Variants in DGKH observed in about 807,000 individuals in gnomAD.
DGKH encodes the protein DAG kinase eta.
In DGKH, 90 loss-of-function variants were observed where a neutral mutation model predicts 159.3. That is an observed-to-expected ratio of 0.57 (90% CI 0.48 to 0.67). The LOEUF is 0.67. DGKH is among the 30% of genes least tolerant of loss of function. The pLI is 0.00. For synonymous variants in DGKH, 536 were observed against 553.8 expected (o/e 0.97, Z 0.45); for missense variants, 1,181 against 1,506.1 (o/e 0.78, Z 3.57).
chr13:42,127,581 A>C lies in DGKH; in HGVS notation c.303+8A>C. On this transcript the variant is annotated splice_region_variant and intron_variant, in intron 2 of 29. Transcript: ENST00000337343. ...TATGCAAAGGACTCAAAGGTAACTC[A>C]CGAGAATACTAGTTTCAAGCAATTG... The C allele has an allele frequency of 5.4e-5, 87 of 1,610,062 alleles. No homozygotes were observed. The highest frequency in any genetic ancestry group is 7.1e-5 in the Non-Finnish European group (83 of 1,177,278).
chr13:42,056,317 A>G (rs747944781), intron 1 of DGKH, among the ~76,000 whole-genome samples: 2 of 151,966 alleles, frequency 1.3e-5, no homozygotes, highest in African/African-American at 2.4e-5. Flanking sequence ...TCTGTTTTAT[A>G]TGAGGAAGTA....
At chr13:42,099,598 G>C (rs1279774030) in intron 1 of DGKH, among the ~76,000 whole-genome samples, 2 of 152,206 alleles carry the variant, frequency 1.3e-5, no homozygotes, top group East Asian at 1.9e-4. Flanking sequence ...AGCACTGGTA[G>C]TAAGCAAGGG....
At chr13:42,173,294 A>G (rs1042268714) in intron 11 of DGKH, among the ~76,000 whole-genome samples, 14 of 152,338 alleles carry the variant, frequency 9.2e-5, no homozygotes, top group Middle Eastern at 3.4e-3. Flanking sequence ...TTGTTAGTCT[A>G]CAATAATGTC....
chr13:42,165,580 A>C, intron 8 of DGKH, 147 bp downstream of exon 8: 1 of 472,768 alleles, frequency 2.1e-6, no homozygotes. Context: ...CTGAAAGTAC[A>C]TTCCATTTTT....
intron 14 of DGKH, among the ~76,000 whole-genome samples, chr13:42,188,520 AT>A (rs1431048348): frequency 2.0e-5 from 3 of 152,230 alleles, no homozygotes; most frequent in Non-Finnish European, 2.9e-5. Flanking sequence ...CAGATGTGCC[AT>A]TTATGACGCT....
intron 1 of DGKH, among the ~76,000 whole-genome samples, chr13:42,123,820 G>A (rs925170774): frequency 4.6e-5 from 7 of 152,164 alleles, no homozygotes; most frequent in African/African-American, 1.4e-4. Context: ...TAAAATTAAA[G>A]TGACTGACTG....
intron 1 of DGKH, among the ~76,000 whole-genome samples, chr13:42,110,800 T>G (rs1954849591): frequency 6.6e-6 from 1 of 152,220 alleles, no homozygotes; most frequent in Non-Finnish European, 1.5e-5. Context: ...ATGAAAAAAC[T>G]GTTATGTCTG....
At chr13:42,040,952 G>A (rs938711969) in intron 1 of DGKH, among the ~76,000 whole-genome samples, 1 of 150,902 alleles carries the variant, frequency 6.6e-6, no homozygotes, top group Non-Finnish European at 1.5e-5. Context: ...GGTGGGTACC[G>A]CGCCCGCGCC....
chr13:42,190,478 A>T lies in DGKH; in HGVS notation c.1988A>T (p.Glu663Val). The T allele has an allele frequency of 6.2e-7, 1 of 1,610,690 alleles. No homozygotes were observed. Among genetic ancestry groups the T allele is most frequent in the Non-Finnish European group, 8.5e-7 (1 of 1,178,754 alleles). ...SSDYDSTETD[E>V]SKEEAKDDGA... ...GATTATGACAGCACAGAAACAGATG[A>T]ATCTAAGGAGGAAGCTAAAGATGAT... is the stretch of plus-strand genomic sequence containing the variant. The change falls in exon 16 of 30, where the codon GAA becomes GTA. Residue 663 changes from glutamate (E) to valine (V), a missense_variant. Physicochemically the swap from Glu to Val is moderately radical, Grantham distance 121. Coordinates refer to ENST00000337343, the MANE Select transcript of DGKH (RefSeq NM_178009.5).
In DGKH at chr13:42,198,583, A is replaced by T. The variant is rs1957265282; in HGVS notation, c.2273A>T (p.Asp758Val). The T allele has an allele frequency of 6.2e-7, 1 of 1,609,554 alleles. No homozygotes were observed. Among genetic ancestry groups the T allele is most frequent in the Non-Finnish European group, 8.5e-7 (1 of 1,178,738 alleles). The change falls in exon 18 of 30, where the codon GAT (aspartate) becomes GTT (valine). Residue 758 changes from aspartate to valine, a missense_variant. This residue lies in a region of DGKH where 335 missense variants were observed against 495.2 expected (regional missense o/e 0.68). Coordinates refer to ENST00000337343, the MANE Select transcript of DGKH (RefSeq NM_178009.5). ...PFGATPFIDP[D>V]LDSVDGYSEK... ...GGTGCCACGCCGTTTATTGACCCGG[A>T]TCTAGATTCCGTGTAAGAAAATGCT...
At chr13:42,207,034 T>TTTCTTTTTCTTTCC (rs1957502978) in intron 21 of DGKH, among the ~76,000 whole-genome samples, 1 of 87,482 alleles carries the variant, frequency 1.1e-5, no homozygotes, top group African/African-American at 4.8e-5. Flanking sequence ...TTTTTCTTTC[T>TTTCTTTTTCTTTCC]TTCTTTCCTT....
intron 3 of DGKH, among the ~76,000 whole-genome samples, chr13:42,137,064 C>G (rs898450351): frequency 2.0e-5 from 3 of 152,010 alleles, no homozygotes; most frequent in Non-Finnish European, 4.4e-5. Flanking sequence ...TTTAATGTTT[C>G]CTTTCTATTT....
rs1956118470 is a variant in DGKH at position 42,159,263 on chromosome 13, T to TTTTTTTTTTTTTG, written c.623-3_623-2insTTTTTTTTTTTTG. 1.6e-6 allele frequency: 2 copies of TTTTTTTTTTTTTG among 1,249,720 alleles called. No homozygotes were observed. Among genetic ancestry groups the TTTTTTTTTTTTTG allele is most frequent in the South Asian group, 1.4e-5 (1 of 72,782 alleles). The allele number at this position is 1,249,720 out of a possible 1,614,324, so 77.4% of individuals were successfully genotyped here. A position where few individuals can be genotyped will look rare whatever the true frequency, so the allele number is the denominator to read the frequency against. On this transcript the variant is annotated splice_polypyrimidine_tract_variant and splice_region_variant and intron_variant, in intron 5 of 29. Coordinates refer to ENST00000337343, the MANE Select transcript of DGKH (RefSeq NM_178009.5). ...GTTGCTCTTTTTTTTTTTTTTTTTT[T>TTTTTTTTTTTTTG]AGTGTGTAAATTCAAGGCTCACAAA...
intron 29 of DGKH, among the ~76,000 whole-genome samples, chr13:42,225,772 C>CAAA (rs66933711): frequency 1.7e-5 from 2 of 120,404 alleles, no homozygotes; most frequent in Admixed American, 8.5e-5. Flanking sequence ...GACTCTGTCT[C>CAAA]AAAAAAAAAA....
At chr13:42,081,165 GTTCT>G (rs1954192096) in intron 1 of DGKH, among the ~76,000 whole-genome samples, 1 of 151,710 alleles carries the variant, frequency 6.6e-6, no homozygotes, top group Admixed American at 6.6e-5. Context: ...CAATTTTATC[GTTCT>G]TTATTTTCAT....
intron 18 of DGKH, 41 bp downstream of exon 18, chr13:42,198,636 T>G (rs909265992): frequency 2.0e-6 from 3 of 1,471,908 alleles, no homozygotes; most frequent in Admixed American, 4.0e-5. Context: ...TGGGTTTTTC[T>G]TGTTTTTTTT....
intron 11 of DGKH, among the ~76,000 whole-genome samples, 173 bp downstream of exon 11, chr13:42,168,991 A>T (rs1463800381): frequency 6.6e-6 from 1 of 152,246 alleles, no homozygotes; most frequent in Non-Finnish European, 1.5e-5. Context: ...AACAGGGCCT[A>T]TCACAGAGAA....
chr13:42,050,714 G>T (rs985343183), intron 1 of DGKH, among the ~76,000 whole-genome samples: 1 of 152,030 alleles, frequency 6.6e-6, no homozygotes, highest in Non-Finnish European at 1.5e-5. Context: ...TAGGGGCCGG[G>T]CATGGTGGCT....
At chr13:42,146,845 A>T (rs1397516814) in intron 3 of DGKH, among the ~76,000 whole-genome samples, 8 of 152,216 alleles carry the variant, frequency 5.3e-5, no homozygotes, top group Non-Finnish European at 8.8e-5. Context: ...TAGGAGGGAT[A>T]TGTGCTTTTC....
Sources: allele counts gnomAD v4.1 joint callset (sites outside exome capture counted in the v4.1 genomes callset), GRCh38; gene constraint gnomAD v4.1.1; regional missense constraint gnomAD v4.1.1; transcripts MANE v1.5; gene names NCBI Gene and HGNC (gene_info 2026-07-23, HGNC 2026-07-21).